Variants in MOB1B observed in about 807,000 individuals in gnomAD.
MOB1B encodes MOB1 Mps One Binder homolog B.
In MOB1B, 19 loss-of-function variants were observed where a neutral mutation model predicts 24.4. The observed-to-expected ratio is 0.78, with a 90% CI of 0.54 to 1.14. The LOEUF (loss-of-function observed/expected upper bound fraction) is 1.14, where lower values mean the gene tolerates loss of function less well. Among genes scored for constraint, MOB1B ranks in the 50% most tolerant of loss-of-function variants. MOB1B has a pLI of 0.00. For missense variants in MOB1B, 243 were observed against 259.6 expected (o/e 0.94, Z 0.44); for synonymous variants, 76 against 82.1 (o/e 0.93, Z 0.40).
intron 1 of MOB1B, among the ~76,000 whole-genome samples, chr4:70,910,563 G>A (rs1470116321): frequency 6.6e-6 from 1 of 151,762 alleles, no homozygotes; most frequent in Non-Finnish European, 1.5e-5. Context: ...ATGATGCTGG[G>A]ACTCTCTTCT....
chr4:70,904,360 A>G (rs1735653893), intron 1 of MOB1B, among the ~76,000 whole-genome samples: 1 of 151,974 alleles, frequency 6.6e-6, no homozygotes, highest in African/African-American at 2.4e-5. Flanking sequence ...TTAATTTTAC[A>G]TTGCTAATGT....
At chr4:70,969,225 G>T (rs926953757) in intron 2 of MOB1B, among the ~76,000 whole-genome samples, 1 of 152,070 alleles carries the variant, frequency 6.6e-6, no homozygotes, top group East Asian at 1.9e-4. Context: ...TGACTTCCTC[G>T]GCTCAAGGAA....
chr4:70,946,176 T>C (rs1737574287), intron 1 of MOB1B, among the ~76,000 whole-genome samples: 1 of 150,098 alleles, frequency 6.7e-6, no homozygotes, highest in African/African-American at 2.4e-5. Flanking sequence ...GTGTTAGGAC[T>C]AGGAAATATT....
intron 1 of MOB1B, among the ~76,000 whole-genome samples, chr4:70,918,631 T>G (rs1736294384): frequency 6.6e-6 from 1 of 151,954 alleles, no homozygotes; most frequent in Non-Finnish European, 1.5e-5. Flanking sequence ...TTTCTCCCAT[T>G]TTGTAGGTTG....
At chr4:70,938,615 T>C (rs1275262467) in intron 1 of MOB1B, among the ~76,000 whole-genome samples, 3 of 151,206 alleles carry the variant, frequency 2.0e-5, no homozygotes, top group African/African-American at 7.3e-5. Flanking sequence ...TTAGGGGTTC[T>C]GGAGGTATAA....
intron 1 of MOB1B, among the ~76,000 whole-genome samples, chr4:70,947,546 T>A (rs925947113): frequency 9.9e-5 from 15 of 152,234 alleles, no homozygotes; most frequent in African/African-American, 3.6e-4. Context: ...CTTAACTATG[T>A]ATGTGATCGG....
intron 2 of MOB1B, among the ~76,000 whole-genome samples, chr4:70,965,853 T>C (rs1199037090): frequency 7.0e-6 from 1 of 143,008 alleles, no homozygotes; most frequent in Non-Finnish European, 1.5e-5. Context: ...GAAGAAGTTA[T>C]AAATTTATCC....
chr4:70,907,358 A>G (rs1735790667), intron 1 of MOB1B, among the ~76,000 whole-genome samples: 1 of 152,082 alleles, frequency 6.6e-6, no homozygotes, highest in South Asian at 2.1e-4. Flanking sequence ...TTCAAAAAGT[A>G]TATTTCATGT....
At chr4:70,927,026 T>TG (rs1363263861) in intron 1 of MOB1B, among the ~76,000 whole-genome samples, 2 of 150,076 alleles carry the variant, frequency 1.3e-5, no homozygotes, top group Non-Finnish European at 3.0e-5. Flanking sequence ...AGAAATAAGA[T>TG]GCGGTCTCTG....
intron 1 of MOB1B, among the ~76,000 whole-genome samples, chr4:70,932,428 A>G (rs1261501720): frequency 3.3e-5 from 5 of 152,206 alleles, no homozygotes; most frequent in African/African-American, 1.2e-4. Context: ...CACATGAAGT[A>G]GGTAATGCCT....
At chr4:70,973,523 C>T (rs992131575) in intron 3 of MOB1B, among the ~76,000 whole-genome samples, 4 of 149,430 alleles carry the variant, frequency 2.7e-5, no homozygotes, top group South Asian at 2.1e-4. Context: ...TTACCATTCA[C>T]GGTCTCTAGC....
intron 1 of MOB1B, among the ~76,000 whole-genome samples, chr4:70,905,272 T>C (rs2148864077): frequency 6.6e-6 from 1 of 151,974 alleles, no homozygotes; most frequent in South Asian, 2.1e-4. Context: ...AGGATCTCAC[T>C]CTGTCGACCA....
chr4:70,946,322 A>G (rs1158399776), intron 1 of MOB1B, among the ~76,000 whole-genome samples: 1 of 152,122 alleles, frequency 6.6e-6, no homozygotes, highest in Non-Finnish European at 1.5e-5. Flanking sequence ...TTTTTCTTCA[A>G]CATCATTATT....
chr4:70,949,902 C>G (rs1181699115), intron 1 of MOB1B, among the ~76,000 whole-genome samples: 1 of 151,604 alleles, frequency 6.6e-6, no homozygotes, highest in Non-Finnish European at 1.5e-5. Flanking sequence ...AGAGTGAACC[C>G]TGTCTTCAAA....
chr4:70,912,743 A>G (rs1473060394), intron 1 of MOB1B, among the ~76,000 whole-genome samples: 1 of 152,176 alleles, frequency 6.6e-6, no homozygotes, highest in Non-Finnish European at 1.5e-5. Context: ...TATTGCATCC[A>G]CTTATGTCTG....
intron 1 of MOB1B, among the ~76,000 whole-genome samples, chr4:70,948,659 C>T (rs1362907083): frequency 2.0e-5 from 3 of 151,950 alleles, no homozygotes; most frequent in Non-Finnish European, 2.9e-5. Context: ...GTAGTTCTTT[C>T]ATGGTGTTGG....
chr4:70,906,914 T>C (rs1735772952), intron 1 of MOB1B, among the ~76,000 whole-genome samples: 1 of 152,202 alleles, frequency 6.6e-6, no homozygotes, highest in African/African-American at 2.4e-5. Flanking sequence ...TCATCTATGA[T>C]AGATGCAATA....
At position 70,923,329 on chromosome 4, in the gene MOB1B, G is replaced by A. The variant is rs1736512586; in HGVS notation, c.14+20779G>A. ...CATCCTCCTATGGGGTCCAGTCTTA[G>A]TGTGTCACATGTCTCTGATGTCTCT... On this transcript the variant is annotated intron_variant, in intron 1 of 5. Transcript: ENST00000309395. Among the ~76,000 whole-genome samples, 3 of 152,114 alleles carry A rather than the reference G, an allele frequency of 2.0e-5. No homozygotes were observed. The South Asian group carries it at 6.2e-4, about 32-fold the overall frequency.
intron 2 of MOB1B, among the ~76,000 whole-genome samples, chr4:70,965,722 G>A (rs1008339947): frequency 2.0e-5 from 3 of 149,420 alleles, no homozygotes; most frequent in South Asian, 2.1e-4. Context: ...GCGTGAGCCC[G>A]GGAGGCAGAG....
Sources: allele counts gnomAD v4.1 joint callset (sites outside exome capture counted in the v4.1 genomes callset), GRCh38; gene constraint gnomAD v4.1.1; transcripts MANE v1.5; gene names NCBI Gene and HGNC (gene_info 2026-07-23, HGNC 2026-07-21).